HS6ST3: variants seen among roughly 807,000 people sequenced by gnomAD.
HS6ST3 encodes heparan-sulfate 6-O-sulfotransferase 3.
A neutral mutation model predicts 36.7 loss-of-function variants in HS6ST3; 12 were observed. The observed-to-expected ratio is 0.33, with a 90% confidence interval of 0.21 to 0.53. HS6ST3 has a LOEUF of 0.53. Among genes scored for constraint, HS6ST3 ranks in the 20% least tolerant of loss-of-function variants. HS6ST3 has a pLI of 0.95. For missense variants in HS6ST3, 584 were observed against 640.9 expected, an observed-to-expected ratio of 0.91 and a Z score of 0.96; for synonymous variants, 240 against 257.5, an observed-to-expected ratio of 0.93 and a Z score of 0.65.
intron 1 of HS6ST3, among the ~76,000 whole-genome samples, chr13:96,114,297 T>C (rs2053883872): frequency 6.6e-6 from 1 of 151,960 alleles, no homozygotes; most frequent in Non-Finnish European, 1.5e-5. Context: ...GGCTACAAGG[T>C]TGTCACCGTG....
At chr13:96,777,243 G>T (rs572193295) in intron 1 of HS6ST3, among the ~76,000 whole-genome samples, 4 of 152,248 alleles carry the variant, frequency 2.6e-5, no homozygotes, top group South Asian at 2.1e-4. Context: ...GCATACTGAA[G>T]GGGCAAAAGC....
intron 1 of HS6ST3, among the ~76,000 whole-genome samples, chr13:96,360,932 C>CAA (rs1343183713): frequency 5.7e-5 from 7 of 122,984 alleles, no homozygotes; most frequent in African/African-American, 1.0e-4. Context: ...GACGACAGAG[C>CAA]AAGACCCTGT....
intron 1 of HS6ST3, among the ~76,000 whole-genome samples, chr13:96,328,984 A>G (rs1477091237): frequency 6.6e-6 from 1 of 151,364 alleles, no homozygotes; most frequent in African/African-American, 2.4e-5. Context: ...TGTTTGTAGT[A>G]TTCTCTGATG....
intron 1 of HS6ST3, among the ~76,000 whole-genome samples, chr13:96,441,318 G>A (rs972249720): frequency 1.3e-5 from 2 of 151,840 alleles, no homozygotes; most frequent in Non-Finnish European, 2.9e-5. Context: ...AGGGGACTGG[G>A]GAGCATCAAG....
Position 96,828,313 on chromosome 13 carries a change from G to A in HS6ST3, c.708-4177G>A, listed in dbSNP as rs1878693474. The stretch of plus-strand genomic sequence containing the variant: ...GTCAAGATAACAGAATATAGAAAAT[G>A]TATAGTTTTAAATATTGCAGCTGAT... On this transcript the variant is annotated intron_variant, in intron 1 of 1. Coordinates refer to ENST00000376705, the MANE Select transcript of HS6ST3 (RefSeq NM_153456.4). 2.0e-5 allele frequency among the ~76,000 whole-genome samples: 3 copies of A among 152,166 alleles called. 1 individual carries two copies. In the South Asian group the frequency reaches 6.2e-4, roughly 32 times the overall value.
At chr13:96,265,361 A>G (rs1182824934) in intron 1 of HS6ST3, among the ~76,000 whole-genome samples, 2 of 151,806 alleles carry the variant, frequency 1.3e-5, no homozygotes, top group South Asian at 2.1e-4. Context: ...TTCTTTTTTT[A>G]TAGAGATGGT....
chr13:96,752,603 T>C (rs190565390), intron 1 of HS6ST3, among the ~76,000 whole-genome samples: 1 of 152,278 alleles, frequency 6.6e-6, no homozygotes, highest in East Asian at 1.9e-4. Flanking sequence ...TATCCCACTA[T>C]GTGAAAGACC....
chr13:96,593,336 A>G (rs2056390324), intron 1 of HS6ST3, among the ~76,000 whole-genome samples: 1 of 149,004 alleles, frequency 6.7e-6, no homozygotes, highest in African/African-American at 2.5e-5. Flanking sequence ...GGCGCACACC[A>G]CCACGCCCAG....
chr13:96,706,595 T>C (rs1170407235), intron 1 of HS6ST3, among the ~76,000 whole-genome samples: 1 of 151,722 alleles, frequency 6.6e-6, no homozygotes, highest in Admixed American at 6.6e-5. Flanking sequence ...GCTTTTGTTT[T>C]GTTGAGAGGG....
In HS6ST3 at chr13:96,141,780, T is replaced by C. The variant is rs371537870; in HGVS notation, c.707+50211T>C. ...AGATCAGGGGGGTCTTAAGGACCTTTAAGGCTCATTACACACAGTACTCTA... is the reference window on the plus strand; with the variant it reads ...AGATCAGGGGGGTCTTAAGGACCTTCAAGGCTCATTACACACAGTACTCTA... On this transcript the variant is annotated intron_variant, in intron 1 of 1. Transcript: ENST00000376705. Among the ~76,000 whole-genome samples the C allele has an allele frequency of 2.0e-5, 3 of 152,140 alleles. No individual in the cohort carries two copies. In the East Asian group the frequency reaches 5.8e-4, roughly 29 times the overall value.
intron 1 of HS6ST3, among the ~76,000 whole-genome samples, chr13:96,475,211 A>G (rs1027313857): frequency 3.3e-5 from 5 of 152,106 alleles, no homozygotes; most frequent in African/African-American, 9.7e-5. Context: ...TCTACTCTTC[A>G]GTTTTCTACC....
intron 1 of HS6ST3, among the ~76,000 whole-genome samples, chr13:96,473,231 T>C (rs1431960485): frequency 6.6e-6 from 1 of 152,188 alleles, no homozygotes; most frequent in Non-Finnish European, 1.5e-5. Flanking sequence ...GGAATGCTAA[T>C]AAGGAAATGG....
intron 1 of HS6ST3, among the ~76,000 whole-genome samples, chr13:96,271,368 C>T (rs971116861): frequency 1.3e-5 from 2 of 151,942 alleles, no homozygotes; most frequent in African/African-American, 4.8e-5. Flanking sequence ...TTTAATATGA[C>T]TATTTAATGA....
Position 96,387,478 on chromosome 13 carries a change from CTGT to C in HS6ST3, c.707+295910_707+295912del, listed in dbSNP as rs1220540349. Among the ~76,000 whole-genome samples the C allele has an allele frequency of 7.9e-5, 12 of 152,102 alleles. No individual in the cohort carries two copies. The East Asian group carries it at 2.3e-3, about 29-fold the overall frequency. On this transcript the variant is annotated intron_variant, in intron 1 of 1. Transcript: ENST00000376705. ...TCTTGTGGAGCTATTTGTCATTTGT[CTGT>C]GTATGGTGGTTAAAACATTTTCTTT... is the stretch of plus-strand genomic sequence containing the variant.
At chr13:96,144,399 T>A (rs2054046434) in intron 1 of HS6ST3, among the ~76,000 whole-genome samples, 1 of 152,000 alleles carries the variant, frequency 6.6e-6, no homozygotes. Context: ...GAAGTTAGTA[T>A]CCCAGCACAG....
chr13:96,305,847 A>ATT (rs574864875), intron 1 of HS6ST3, among the ~76,000 whole-genome samples: 8,549 of 122,810 alleles, frequency 0.07, 382 homozygotes, highest in Non-Finnish European at 0.11. Flanking sequence ...CCCTTAGTTA[A>ATT]TTTTTTTTTT....
At chr13:96,765,519 G>A (rs1877086225) in intron 1 of HS6ST3, among the ~76,000 whole-genome samples, 1 of 151,960 alleles carries the variant, frequency 6.6e-6, no homozygotes, top group Non-Finnish European at 1.5e-5. Context: ...CTTTTCTTGG[G>A]TTTGGACTAC....
chr13:96,252,280 T>G (rs1476574199), intron 1 of HS6ST3, among the ~76,000 whole-genome samples: 2 of 152,242 alleles, frequency 1.3e-5, no homozygotes, highest in African/African-American at 4.8e-5. Context: ...TATAATGACC[T>G]TCTTTGTTTC....
chr13:96,330,323 G>T (rs1312103391), intron 1 of HS6ST3, among the ~76,000 whole-genome samples: 1 of 151,902 alleles, frequency 6.6e-6, no homozygotes, highest in East Asian at 1.9e-4. Flanking sequence ...GCCGGTACCG[G>T]TTGTTCCTTT....
Sources: allele counts gnomAD v4.1 joint callset (sites outside exome capture counted in the v4.1 genomes callset), GRCh38; gene constraint gnomAD v4.1.1; transcripts MANE v1.5; gene names NCBI Gene and HGNC (gene_info 2026-07-23, HGNC 2026-07-21).